Variants in BCAR3 observed in about 807,000 individuals in gnomAD.
The protein encoded by BCAR3 is breast cancer anti-estrogen resistance protein 3.
A neutral mutation model predicts 80.1 loss-of-function variants in BCAR3; 37 were observed. That is an observed-to-expected ratio of 0.46 (90% CI 0.36 to 0.61). BCAR3 has a LOEUF of 0.61. Ranked by LOEUF, BCAR3 falls within the 20% of genes least tolerant of loss-of-function variation. The probability of loss-of-function intolerance (pLI) is 0.00; values close to 1 mark genes in which losing one functional copy is unlikely to be tolerated. For missense variants in BCAR3, 978 were observed against 1,068.2 expected (o/e 0.92, Z 1.18); for synonymous variants, 389 against 418.9 (o/e 0.93, Z 0.87).
At chr1:93,767,101 A>T (rs889307242) in intron 2 of BCAR3, among the ~76,000 whole-genome samples, 2 of 152,180 alleles carry the variant, frequency 1.3e-5, no homozygotes, top group African/African-American at 4.8e-5. Flanking sequence ...CTGATTTTTG[A>T]ATCTGGTACG....
chr1:93,642,572 G>C (rs75123641), intron 2 of BCAR3, among the ~76,000 whole-genome samples: 4,635 of 152,256 alleles, frequency 0.03, 237 homozygotes, highest in African/African-American at 0.11. Flanking sequence ...CAGAATGTTA[G>C]AGTATTTACA....
chr1:93,757,337 C>A (rs959060538), intron 2 of BCAR3, among the ~76,000 whole-genome samples: 1 of 152,134 alleles, frequency 6.6e-6, no homozygotes, highest in Admixed American at 6.5e-5. Flanking sequence ...GCAGCTCCCC[C>A]CATTTTCTCT....
intron 11 of BCAR3, among the ~76,000 whole-genome samples, chr1:93,565,095 G>A (rs1316933450): frequency 6.6e-6 from 1 of 151,714 alleles, no homozygotes; most frequent in Admixed American, 6.6e-5. Flanking sequence ...AAGGCCAGAT[G>A]GTGACTTTTT....
intron 2 of BCAR3, among the ~76,000 whole-genome samples, chr1:93,745,140 C>T (rs1651311618): frequency 6.6e-6 from 1 of 152,230 alleles, no homozygotes; most frequent in Admixed American, 6.5e-5. Flanking sequence ...GATGGAAAGT[C>T]TCCCAGGTGG....
At chr1:93,734,301 T>G (rs1303787695) in intron 2 of BCAR3, among the ~76,000 whole-genome samples, 4 of 152,212 alleles carry the variant, frequency 2.6e-5, no homozygotes, top group African/African-American at 9.7e-5. Context: ...CATGGATATA[T>G]TTTCAGGATG....
At chr1:93,785,798 T>C (rs1652915420) in intron 2 of BCAR3, among the ~76,000 whole-genome samples, 1 of 152,212 alleles carries the variant, frequency 6.6e-6, no homozygotes, top group Non-Finnish European at 1.5e-5. Flanking sequence ...TATCAAATGG[T>C]GGAGGTTACT....
intron 3 of BCAR3, among the ~76,000 whole-genome samples, chr1:93,700,799 A>G (rs1466403401): frequency 6.6e-6 from 1 of 152,262 alleles, no homozygotes; most frequent in Non-Finnish European, 1.5e-5. Context: ...ATTCCACAGG[A>G]AGAAACATTT....
At chr1:93,763,685 C>T (rs749864728) in intron 2 of BCAR3, among the ~76,000 whole-genome samples, 4 of 152,210 alleles carry the variant, frequency 2.6e-5, no homozygotes, top group Non-Finnish European at 4.4e-5. Context: ...TCTCCAGACT[C>T]ATCCATTTTC....
intron 2 of BCAR3, among the ~76,000 whole-genome samples, chr1:93,810,125 G>A (rs1279233146): frequency 7.3e-5 from 11 of 150,222 alleles, no homozygotes; most frequent in African/African-American, 1.2e-4. Context: ...CCCGTGAGGC[G>A]GAGGTTGCAG....
chr1:93,639,233 G>A (rs762366600), intron 3 of BCAR3, among the ~76,000 whole-genome samples: 4 of 152,184 alleles, frequency 2.6e-5, no homozygotes, highest in Middle Eastern at 3.4e-3. Context: ...AACGGTGCAC[G>A]GTGCTAGGAG....
intron 1 of BCAR3, among the ~76,000 whole-genome samples, chr1:93,676,395 A>G (rs1280304004): frequency 6.6e-6 from 1 of 152,236 alleles, no homozygotes; most frequent in Non-Finnish European, 1.5e-5. Context: ...GGGAAAGTAC[A>G]GAAGTCCTGG....
chr1:93,786,535 G>A (rs1467811501), intron 2 of BCAR3, among the ~76,000 whole-genome samples: 1 of 152,190 alleles, frequency 6.6e-6, no homozygotes, highest in Non-Finnish European at 1.5e-5. Context: ...ATAAATGAAT[G>A]TCATTGCTTT....
intron 2 of BCAR3, among the ~76,000 whole-genome samples, chr1:93,652,255 AC>A (rs1676348857): frequency 6.6e-6 from 1 of 152,094 alleles, no homozygotes; most frequent in South Asian, 2.1e-4. Flanking sequence ...TATTCTCCTC[AC>A]CCTTTTTAGA....
chr1:93,820,954 T>TTA (rs1283607301), intron 2 of BCAR3, among the ~76,000 whole-genome samples: 1 of 145,610 alleles, frequency 6.9e-6, no homozygotes, highest in Non-Finnish European at 1.5e-5. Flanking sequence ...TTAGAAGCTC[T>TTA]TATAGCAGGA....
chr1:93,819,143 T>G (rs1443150885), intron 2 of BCAR3, among the ~76,000 whole-genome samples: 2 of 151,810 alleles, frequency 1.3e-5, no homozygotes, highest in Non-Finnish European at 1.5e-5. Flanking sequence ...CTCGGCTCAC[T>G]GCAATCTCCG....
chr1:93,574,192 C>T (rs1472861942), intron 8 of BCAR3, among the ~76,000 whole-genome samples: 1 of 152,212 alleles, frequency 6.6e-6, no homozygotes, highest in South Asian at 2.1e-4. Context: ...ACAACTCAGG[C>T]TGGCAAATCT....
At chr1:93,762,459 C>T (rs1247617117) in intron 2 of BCAR3, among the ~76,000 whole-genome samples, 1 of 152,150 alleles carries the variant, frequency 6.6e-6, no homozygotes. Flanking sequence ...CGTGTACACC[C>T]AGTGGCAGTA....
chr1:93,579,647 G>GGGCA (rs1464678242), intron 7 of BCAR3, among the ~76,000 whole-genome samples: 2 of 152,164 alleles, frequency 1.3e-5, no homozygotes, highest in East Asian at 1.9e-4. Context: ...TGCCAAGGGC[G>GGGCA]GGCAGGCAGG....
At chr1:93,730,920 T>C (rs1650763148) in intron 2 of BCAR3, among the ~76,000 whole-genome samples, 1 of 152,202 alleles carries the variant, frequency 6.6e-6, no homozygotes, top group South Asian at 2.1e-4. Flanking sequence ...AGCTAGGTGA[T>C]CCAGGTGAAT....
Sources: allele counts gnomAD v4.1 joint callset (sites outside exome capture counted in the v4.1 genomes callset), GRCh38; gene constraint gnomAD v4.1.1; transcripts MANE v1.5; gene names NCBI Gene and HGNC (gene_info 2026-07-23, HGNC 2026-07-21).